ROBO1: variants seen among roughly 807,000 people sequenced by gnomAD.
ROBO1 encodes the protein roundabout homolog 1.
Under a neutral mutation model 195.9 loss-of-function variants are expected in ROBO1, and 149 were observed. That is an observed-to-expected ratio of 0.76 (90% CI 0.67 to 0.87). The LOEUF (loss-of-function observed/expected upper bound fraction) is 0.87, where lower values mean the gene tolerates loss of function less well. Among genes scored for constraint, ROBO1 ranks in the 40% least tolerant of loss-of-function variants. The probability of loss-of-function intolerance (pLI) is 0.00; values close to 1 mark genes in which losing one functional copy is unlikely to be tolerated. For synonymous variants in ROBO1, 816 were observed against 733.2 expected (o/e 1.11, Z -1.82); for missense variants, 1,933 against 2,068.3 (o/e 0.93, Z 1.27).
At chr3:78,953,023 A>G (rs915981696) in intron 3 of ROBO1, among the ~76,000 whole-genome samples, 4 of 152,052 alleles carry the variant, frequency 2.6e-5, no homozygotes, top group African/African-American at 9.7e-5. Flanking sequence ...AAAGAATCTA[A>G]TATCGTATGG....
At chr3:79,387,174 T>C (rs2036781591) in intron 2 of ROBO1, among the ~76,000 whole-genome samples, 1 of 152,104 alleles carries the variant, frequency 6.6e-6, no homozygotes, top group African/African-American at 2.4e-5. Flanking sequence ...TTAAATCTCA[T>C]AAAATGGCAT....
At chr3:78,736,028 T>A (rs986885446) in intron 5 of ROBO1, among the ~76,000 whole-genome samples, 3 of 152,166 alleles carry the variant, frequency 2.0e-5, no homozygotes, top group Non-Finnish European at 4.4e-5. Context: ...TAGCAATGTA[T>A]TTACTCACAT....
At chr3:78,711,383 C>T (rs1262863170) in intron 8 of ROBO1, among the ~76,000 whole-genome samples, 3 of 33,502 alleles carry the variant, frequency 9.0e-5, no homozygotes, top group Admixed American at 3.3e-4. Context: ...TCCTTCCTTC[C>T]TTCCTTCCTT....
At chr3:79,128,230 C>A (rs2080253751) in intron 2 of ROBO1, among the ~76,000 whole-genome samples, 1 of 151,972 alleles carries the variant, frequency 6.6e-6, no homozygotes, top group African/African-American at 2.4e-5. Context: ...TTAGGGCTAC[C>A]CAGGCCTGAA....
chr3:79,704,060 T>C (rs1947696549), intron 1 of ROBO1, among the ~76,000 whole-genome samples: 1 of 151,964 alleles, frequency 6.6e-6, no homozygotes, highest in East Asian at 1.9e-4. Flanking sequence ...TTTTTTAATA[T>C]TTAATTTTTA....
At chr3:78,719,615 A>C (rs1028705959) in intron 5 of ROBO1, among the ~76,000 whole-genome samples, 1 of 152,172 alleles carries the variant, frequency 6.6e-6, no homozygotes, top group Non-Finnish European at 1.5e-5. Context: ...CATTTTCAAA[A>C]GTATGAGGCA....
intron 3 of ROBO1, among the ~76,000 whole-genome samples, chr3:78,952,448 C>T (rs1220147243): frequency 1.3e-5 from 2 of 151,590 alleles, no homozygotes; most frequent in African/African-American, 2.4e-5. Flanking sequence ...TTTATTTAAG[C>T]TCCATTTACC....
intron 1 of ROBO1, among the ~76,000 whole-genome samples, chr3:79,599,888 TC>T (rs1396632689): frequency 1.3e-5 from 2 of 151,936 alleles, no homozygotes; most frequent in African/African-American, 4.8e-5. Flanking sequence ...ATATAGTCTA[TC>T]CAAATTTTTT....
chr3:79,290,381 G>C lies in ROBO1; in HGVS notation c.89-164842C>G, dbSNP rs181392354. On this transcript the variant is annotated intron_variant, in intron 2 of 30. Coordinates refer to ENST00000464233, the MANE Select transcript of ROBO1 (RefSeq NM_002941.4). ...TTGCCTCGTTTATGCTTGTGGTCTT[G>C]TAAGGACACAGATGTTTCAAATCTG... Among the ~76,000 whole-genome samples, 92 of 152,080 alleles carry C rather than the reference G, an allele frequency of 6.0e-4. 1 individual carries two copies. The East Asian group carries it at 0.018, about 29-fold the overall frequency.
At chr3:78,717,654 A>AC in intron 6 of ROBO1, 109 bp downstream of exon 6, 1 of 1,222,022 alleles carries the variant, frequency 8.2e-7, no homozygotes, top group Non-Finnish European at 1.1e-6. Flanking sequence ...CTTTCTACCC[A>AC]CCCCCTAAAA....
In ROBO1 at chr3:78,860,950, T is replaced by C. The variant is rs77472830; in HGVS notation, c.499+77651A>G. The stretch of plus-strand genomic sequence containing the variant: ...TCTTCTACCTCATTTTCATATGTGG[T>C]TTAGCCTTACTTAGTCTCAATATGA... On this transcript the variant is annotated intron_variant, in intron 4 of 30. Transcript: ENST00000464233. Among the ~76,000 whole-genome samples, 1,014 of 152,294 alleles carry C rather than the reference T, an allele frequency of 6.7e-3. 14 individuals are homozygous for C. Among genetic ancestry groups the C allele is most frequent in the African/African-American group, 0.023 (966 of 41,560 alleles).
chr3:78,919,788 A>G (rs915504272), intron 4 of ROBO1, among the ~76,000 whole-genome samples: 1 of 152,252 alleles, frequency 6.6e-6, no homozygotes, highest in African/African-American at 2.4e-5. Context: ...AGAAGAAACA[A>G]CCAACTAGCA....
chr3:78,787,926 C>CTTTTT lies in ROBO1; in HGVS notation c.500-41031_500-41027dup, dbSNP rs71127358. Among the ~76,000 whole-genome samples the CTTTTT allele has an allele frequency of 5.6e-3, 402 of 71,702 alleles. 27 individuals are homozygous for CTTTTT. Among genetic ancestry groups the CTTTTT allele is most frequent in the African/African-American group, 0.016 (270 of 16,376 alleles). 47.0% of individuals were successfully genotyped at this position (71,702 alleles called of 152,430 possible). On this transcript the variant is annotated intron_variant, in intron 4 of 30. Coordinates refer to ENST00000464233, the MANE Select transcript of ROBO1 (RefSeq NM_002941.4). The stretch of plus-strand genomic sequence containing the variant: ...CTGGCCACAGAGTTAGACCCCTTCT[C>CTTTTT]TTTTTTTTTTTTTTTTTTTTTTTTT...
intron 2 of ROBO1, among the ~76,000 whole-genome samples, chr3:79,229,112 C>T (rs1286825662): frequency 5.3e-5 from 8 of 152,070 alleles, no homozygotes; most frequent in Non-Finnish European, 1.2e-4. Flanking sequence ...AAAAAGTTAA[C>T]TTATATTTAA....
chr3:78,934,293 C>G (rs777446513), intron 4 of ROBO1, among the ~76,000 whole-genome samples: 75 of 151,878 alleles, frequency 4.9e-4, no homozygotes, highest in Non-Finnish European at 4.6e-4. Flanking sequence ...AGAGCCAGTA[C>G]ATTTTACAGT....
chr3:79,520,810 G>T (rs946252183), intron 2 of ROBO1, among the ~76,000 whole-genome samples: 3 of 149,384 alleles, frequency 2.0e-5, no homozygotes, highest in Non-Finnish European at 4.5e-5. Context: ...AAATAGTTTT[G>T]AAACACTAAC....
chr3:78,981,675 T>C (rs1264504295), intron 3 of ROBO1, among the ~76,000 whole-genome samples: 2 of 151,942 alleles, frequency 1.3e-5, no homozygotes, highest in Admixed American at 1.3e-4. Flanking sequence ...TAGCACTTTG[T>C]CACACTGAGC....
chr3:79,514,059 A>C (rs533572156), intron 2 of ROBO1, among the ~76,000 whole-genome samples: 1 of 152,300 alleles, frequency 6.6e-6, no homozygotes, highest in South Asian at 2.1e-4. Flanking sequence ...TGATCCCAAC[A>C]CACTTACCCC....
At chr3:78,793,225 A>T (rs2084079307) in intron 4 of ROBO1, among the ~76,000 whole-genome samples, 1 of 152,144 alleles carries the variant, frequency 6.6e-6, no homozygotes, top group South Asian at 2.1e-4. Context: ...AGAACTAATA[A>T]TTCATGGAGT....
Sources: gnomAD v4.1 joint callset for allele counts (sites outside exome capture counted in the v4.1 genomes callset) on GRCh38, gnomAD v4.1.1 for gene constraint, MANE v1.5 for transcripts, NCBI Gene and HGNC (gene_info 2026-07-23, HGNC 2026-07-21) for gene names.